Variants in N4BP2 observed in about 807,000 individuals in gnomAD.
N4BP2 encodes the protein NEDD4 binding protein 2, also known as NEDD4-binding protein 2.
In N4BP2, 91 loss-of-function variants were observed where a neutral mutation model predicts 152.8. That is an observed-to-expected ratio of 0.60 (90% CI 0.50 to 0.71). N4BP2 has a LOEUF of 0.71. N4BP2 is among the 30% of genes least tolerant of loss of function. The probability of loss-of-function intolerance (pLI) is 0.00; values close to 1 mark genes in which losing one functional copy is unlikely to be tolerated. For missense variants in N4BP2, 1,923 were observed against 2,059.1 expected (o/e 0.93, Z 1.28); for synonymous variants, 646 against 705.3 (o/e 0.92, Z 1.33).
chr4:40,117,759 A>C (rs539132087), intron 7 of N4BP2, 110 bp from the exon 8 acceptor site: 2 of 838,250 alleles, frequency 2.4e-6, no homozygotes, highest in East Asian at 5.8e-5. Context: ...AGCAGCTTTG[A>C]TATTCGTATC....
At chr4:40,147,408 G>A (rs1720651008) in intron 16 of N4BP2, among the ~76,000 whole-genome samples, 1 of 152,092 alleles carries the variant, frequency 6.6e-6, no homozygotes, top group Non-Finnish European at 1.5e-5. Context: ...ATCATGGCAC[G>A]TTCTCAATGA....
chr4:40,120,773 T>C lies in N4BP2; in HGVS notation c.2662T>C (p.Ser888Pro). The stretch of plus-strand genomic sequence containing the variant: ...CAACATTATGGGTGACTGGCCTTCA[T>C]CTGATTCTTTAGCTCAGAGGGAACA... ...SFNIMGDWPS[S>P]DSLAQREHRS... Residue 888 changes from serine (S) to proline (P), a missense_variant, in exon 9 of 18, where the codon TCT becomes CCT. By Grantham distance (74) the Ser-to-Pro change is moderately conservative (BLOSUM62 -1). Coordinates refer to ENST00000261435, the MANE Select transcript of N4BP2 (RefSeq NM_018177.6). The C allele has an allele frequency of 2.5e-6, 4 of 1,614,200 alleles. No homozygotes were observed. The highest frequency in any genetic ancestry group is 3.4e-6 in the Non-Finnish European group (4 of 1,180,028).
chr4:40,087,689 CA>C (rs974784043), intron 2 of N4BP2, among the ~76,000 whole-genome samples: 2 of 151,286 alleles, frequency 1.3e-5, no homozygotes, highest in Non-Finnish European at 3.0e-5. Context: ...CCCCTCCGCC[CA>C]AAAAAAAGGA....
chr4:40,126,392 T>C, intron 12 of N4BP2, 62 bp downstream of exon 12: 1 of 788,604 alleles, frequency 1.3e-6, no homozygotes, highest in Non-Finnish European at 1.9e-6. Context: ...GTATGTTTAC[T>C]TTGTGATTTT....
chr4:40,168,812 C>A, the N4BP2 span, among the ~76,000 whole-genome samples: 1 of 151,826 alleles, frequency 6.6e-6, no homozygotes, highest in African/African-American at 2.4e-5. Flanking sequence ...GCAACCTCCA[C>A]CTCCCTGGGT....
intron 12 of N4BP2, among the ~76,000 whole-genome samples, chr4:40,129,853 A>G (rs1718762819): frequency 6.6e-6 from 1 of 152,210 alleles, no homozygotes; most frequent in Non-Finnish European, 1.5e-5. Flanking sequence ...AGCAAAAAAT[A>G]TAACTTTAGA....
At chr4:40,060,099 G>A (rs911460585) in intron 1 of N4BP2, among the ~76,000 whole-genome samples, 2 of 152,006 alleles carry the variant, frequency 1.3e-5, no homozygotes, top group South Asian at 2.1e-4. Flanking sequence ...CTCTCAAGGC[G>A]CTGAGATTAC....
At chr4:40,137,127 T>A (rs1330068460) in intron 14 of N4BP2, 45 bp downstream of exon 14, 3 of 1,408,366 alleles carry the variant, frequency 2.1e-6, no homozygotes, top group Non-Finnish European at 2.9e-6. Flanking sequence ...GATAATTGCA[T>A]ATAAAAATAT....
intron 2 of N4BP2, among the ~76,000 whole-genome samples, chr4:40,078,308 T>C (rs1199005383): frequency 2.0e-5 from 3 of 152,070 alleles, no homozygotes; most frequent in Non-Finnish European, 2.9e-5. Flanking sequence ...CGGCTACTTT[T>C]TGTATCTTTA....
At chr4:40,106,850 G>GA in intron 4 of N4BP2, 50 bp from the exon 5 acceptor site, 1 of 1,543,162 alleles carries the variant, frequency 6.5e-7, no homozygotes, top group Non-Finnish European at 8.8e-7. Context: ...AATTAGGAGA[G>GA]AAAATTTAGA....
chr4:40,093,479 T>C (rs1714817882), intron 2 of N4BP2, among the ~76,000 whole-genome samples: 1 of 152,068 alleles, frequency 6.6e-6, no homozygotes. Flanking sequence ...CGATCTTAGC[T>C]CACTGCAACC....
At chr4:40,128,222 G>A (rs1235095300) in intron 12 of N4BP2, among the ~76,000 whole-genome samples, 1 of 152,144 alleles carries the variant, frequency 6.6e-6, no homozygotes, top group Admixed American at 6.6e-5. Flanking sequence ...ATTCTCAAGG[G>A]AAAAGAATAA....
chr4:40,072,331 C>T (rs919139436), intron 1 of N4BP2, among the ~76,000 whole-genome samples: 8 of 148,208 alleles, frequency 5.4e-5, no homozygotes, highest in South Asian at 4.2e-4. Context: ...CTGCAACCTT[C>T]GACTCCCTGG....
At chr4:40,145,902 C>T (rs981028307) in intron 16 of N4BP2, among the ~76,000 whole-genome samples, 2 of 152,198 alleles carry the variant, frequency 1.3e-5, no homozygotes, top group African/African-American at 4.8e-5. Flanking sequence ...GTGGCTCATG[C>T]CTGTAATCCC....
intron 15 of N4BP2, among the ~76,000 whole-genome samples, chr4:40,144,194 G>A (rs1459421946): frequency 6.6e-6 from 1 of 152,142 alleles, no homozygotes; most frequent in African/African-American, 2.4e-5. Flanking sequence ...CACATGGTTG[G>A]TGCCTGCCCG....
At chr4:40,136,796 A>G (rs924601994) in intron 13 of N4BP2, 148 bp from the exon 14 acceptor site, 2 of 575,924 alleles carry the variant, frequency 3.5e-6, no homozygotes, top group South Asian at 2.9e-5. Flanking sequence ...TTTGAGATAC[A>G]CCATGAGCAT....
Position 40,121,962 on chromosome 4 carries a change from T to C in N4BP2, c.3851T>C (p.Phe1284Ser). The C allele has an allele frequency of 6.4e-7, 1 of 1,560,222 alleles. No homozygotes were observed. Among genetic ancestry groups the C allele is most frequent in the Non-Finnish European group, 8.7e-7 (1 of 1,155,764 alleles). The change falls in exon 9 of 18, where the codon TTC becomes TCC. Residue 1284 changes from phenylalanine to serine, a missense_variant. Phe to Ser is a radical substitution (Grantham distance 155). Transcript: ENST00000261435. The stretch of plus-strand genomic sequence containing the variant: ...GACAACATACATTCTCCTTCACATT[T>C]CTCTGATATTTTTAACTTTGTATCT... ...TGDNIHSPSH[F>S]SDIFNFVSST...
intron 2 of N4BP2, among the ~76,000 whole-genome samples, chr4:40,086,025 G>A (rs113729532): frequency 1.7e-3 from 257 of 151,608 alleles, no homozygotes; most frequent in African/African-American, 5.8e-3. Flanking sequence ...GAGTGCAATG[G>A]CTCGATCTCA....
chr4:40,136,959 C>T lies in N4BP2; in HGVS notation c.4662C>T (p.His1554=). ...TTTTCTACAGCTATTCATTAGAACA[C>T]ACAGTGCAATTTCTTAACTGTGTTC... ...IFKDHNYSLE[H]TVQFLNCVLE... is the part of the protein sequence containing the mutation. Residue 1554 remains histidine (H), a synonymous_variant, in exon 14 of 18, where the codon CAC becomes CAT. Coordinates refer to ENST00000261435, the MANE Select transcript of N4BP2 (RefSeq NM_018177.6). The T allele has an allele frequency of 6.2e-7, 1 of 1,611,410 alleles. No homozygotes were observed. Among genetic ancestry groups the T allele is most frequent in the Non-Finnish European group, 8.5e-7 (1 of 1,178,512 alleles).
Sources: gnomAD v4.1 joint callset for allele counts (sites outside exome capture counted in the v4.1 genomes callset) on GRCh38, gnomAD v4.1.1 for gene constraint, MANE v1.5 for transcripts, NCBI Gene and HGNC (gene_info 2026-07-23, HGNC 2026-07-21) for gene names.